The following FAM120A variants were observed in gnomAD, a reference collection of about 807,000 sequenced individuals.
FAM120A encodes the protein constitutive coactivator of PPAR-gamma-like protein 1.
Under a neutral mutation model 109.7 loss-of-function variants are expected in FAM120A, and 15 were observed. The ratio of observed to expected loss-of-function variants is 0.14; its 90% CI spans 0.09 to 0.21. The LOEUF (loss-of-function observed/expected upper bound fraction) is 0.21. Ranked by LOEUF, FAM120A falls within the 10% of genes least tolerant of loss-of-function variation. The pLI is 1.00. For missense variants in FAM120A, 899 were observed against 1,439.3 expected (o/e 0.62, Z 6.07); for synonymous variants, 493 against 572.8 (o/e 0.86, Z 1.99).
chr9:93,524,052 C>T (rs10992772), intron 7 of FAM120A, among the ~76,000 whole-genome samples: 42,480 of 152,188 alleles, frequency 0.28, 7,005 homozygotes, highest in East Asian at 0.42. Context: ...GGCCCAGGCC[C>T]TCTTTGTTAC....
intron 10 of FAM120A, among the ~76,000 whole-genome samples, chr9:93,539,628 A>C (rs186738637): frequency 6.6e-6 from 1 of 152,194 alleles, no homozygotes; most frequent in African/African-American, 2.4e-5. Flanking sequence ...GCCCAGTGCC[A>C]TGGGCAAGCC....
intron 11 of FAM120A, among the ~76,000 whole-genome samples, chr9:93,543,678 T>A (rs1467230910): frequency 6.6e-6 from 1 of 152,226 alleles, no homozygotes; most frequent in Non-Finnish European, 1.5e-5. Flanking sequence ...TACAGTATGT[T>A]TATAGGTATA....
chr9:93,512,533 C>T (rs1311903907), intron 5 of FAM120A, among the ~76,000 whole-genome samples: 3 of 138,844 alleles, frequency 2.2e-5, no homozygotes, highest in Non-Finnish European at 4.8e-5. Context: ...CTTCAGTCTG[C>T]ATATTTTTTT....
At chr9:93,514,136 C>T (rs1860461942) in intron 5 of FAM120A, among the ~76,000 whole-genome samples, 1 of 152,162 alleles carries the variant, frequency 6.6e-6, no homozygotes, top group Admixed American at 6.5e-5. Context: ...AGCAAGGCAC[C>T]TTCTTAACAA....
At position 93,452,469 on chromosome 9, in the gene FAM120A, C is replaced by T. The variant is rs767607276; in HGVS notation, c.474+80C>T. On this transcript the variant is annotated intron_variant, in intron 1 of 17. Coordinates refer to ENST00000277165, the MANE Select transcript of FAM120A (RefSeq NM_014612.5). The surrounding 1 kb of genome is among the most constrained non-coding windows in gnomAD (Gnocchi z 7.0). ...CCCCTTCCCAGGGCGCAGAATGTCGCCCGGCCGTGGCGGCGCTGGGGGCAG... is the reference window on the plus strand; with the variant it reads ...CCCCTTCCCAGGGCGCAGAATGTCGTCCGGCCGTGGCGGCGCTGGGGGCAG... The T allele has an allele frequency of 6.5e-7, 1 of 1,546,336 alleles. No homozygotes were observed.
intron 3 of FAM120A, 121 bp from the exon 4 acceptor site, chr9:93,497,350 C>A: frequency 8.0e-7 from 1 of 1,247,202 alleles, no homozygotes; most frequent in Non-Finnish European, 1.1e-6. Context: ...AGTGGACAAT[C>A]ATTGGGCACT....
chr9:93,494,346 T>C (rs1859476732), intron 3 of FAM120A, among the ~76,000 whole-genome samples: 1 of 152,210 alleles, frequency 6.6e-6, no homozygotes, highest in African/African-American at 2.4e-5. Context: ...TCGGAGGAAC[T>C]TGTAGCCCGG....
intron 15 of FAM120A, 69 bp downstream of exon 15, chr9:93,558,787 T>C: frequency 6.4e-7 from 1 of 1,559,268 alleles, no homozygotes; most frequent in Non-Finnish European, 8.7e-7. Flanking sequence ...GTCTGGCGCC[T>C]TCCTTCCTCT....
chr9:93,554,862 T>C (rs1862240712), intron 12 of FAM120A, among the ~76,000 whole-genome samples: 1 of 152,220 alleles, frequency 6.6e-6, no homozygotes, highest in Non-Finnish European at 1.5e-5. Flanking sequence ...CGGAGGCCCC[T>C]GGGCTAGAAG....
At chr9:93,540,580 C>A (rs1290499086) in intron 10 of FAM120A, among the ~76,000 whole-genome samples, 6 of 152,138 alleles carry the variant, frequency 3.9e-5, no homozygotes, top group African/African-American at 1.4e-4. Context: ...AGTTTCGGCT[C>A]TCAGGAGTGT....
chr9:93,507,648 G>A (rs912953572), intron 5 of FAM120A, among the ~76,000 whole-genome samples: 4 of 152,136 alleles, frequency 2.6e-5, no homozygotes, highest in African/African-American at 9.7e-5. Flanking sequence ...CGAGGCCAGG[G>A]GAGATACCCT....
At chr9:93,534,042 A>G (rs1336131370) in intron 10 of FAM120A, among the ~76,000 whole-genome samples, 1 of 152,192 alleles carries the variant, frequency 6.6e-6, no homozygotes, top group African/African-American at 2.4e-5. Flanking sequence ...GGTGTGCTGC[A>G]GTACCAAACA....
intron 11 of FAM120A, among the ~76,000 whole-genome samples, chr9:93,546,900 A>G (rs1204616739): frequency 1.3e-5 from 2 of 152,204 alleles, no homozygotes; most frequent in African/African-American, 4.8e-5. Flanking sequence ...ACCCCACAGA[A>G]GGGGTATGGT....
At chr9:93,564,167 C>A in intron 17 of FAM120A, 62 bp from the exon 18 acceptor site, 2 of 1,523,726 alleles carry the variant, frequency 1.3e-6, no homozygotes, top group Non-Finnish European at 1.8e-6. Context: ...CCAAAATTGG[C>A]ATCCTCTCTC....
chr9:93,536,704 C>G lies in FAM120A; in HGVS notation c.1909+4375C>G, dbSNP rs149384154. On this transcript the variant is annotated intron_variant, in intron 10 of 17. Coordinates refer to ENST00000277165, the MANE Select transcript of FAM120A (RefSeq NM_014612.5). ...TTTCATTTTTATAGTCACTATATGG[C>G]GAAAGTAGGATATGAGACCTTTAAA... is the stretch of plus-strand genomic sequence containing the variant. Among the ~76,000 whole-genome samples, 374 of 152,150 alleles carry G rather than the reference C, an allele frequency of 2.5e-3. 1 individual carries two copies. The highest frequency in any genetic ancestry group is 8.4e-3 in the African/African-American group (350 of 41,488).
intron 5 of FAM120A, among the ~76,000 whole-genome samples, chr9:93,514,709 T>C (rs551283178): frequency 6.6e-6 from 1 of 152,334 alleles, no homozygotes; most frequent in African/African-American, 2.4e-5. Context: ...TGCATATCAT[T>C]TGGGCCCCAG....
intron 5 of FAM120A, among the ~76,000 whole-genome samples, chr9:93,501,980 C>G (rs545070211): frequency 6.6e-6 from 1 of 152,072 alleles, no homozygotes; most frequent in South Asian, 2.1e-4. Flanking sequence ...AACATGGAGT[C>G]GGTGGGACCC....
intron 1 of FAM120A, among the ~76,000 whole-genome samples, chr9:93,458,692 T>C (rs1857660649): frequency 6.6e-6 from 1 of 152,224 alleles, no homozygotes; most frequent in Non-Finnish European, 1.5e-5. Context: ...ATGCAAGGCA[T>C]ATACTATAGG....
rs552964479 is a variant in FAM120A at position 93,498,379 on chromosome 9, C to T, written c.934-411C>T. On this transcript the variant is annotated intron_variant, in intron 4 of 17. Transcript: ENST00000277165. The surrounding 1 kb of genome is among the most constrained non-coding windows in gnomAD (Gnocchi z 4.4). ...CCGCACTCCAGCCTGGGTGAAAGAG[C>T]GAAACTCCGTCTCAGAAGAAAAAGA... 2.4e-4 allele frequency among the ~76,000 whole-genome samples: 36 copies of T among 152,142 alleles called. No individual in the cohort carries two copies. Among genetic ancestry groups the T allele is most frequent in the Non-Finnish European group, 4.1e-4 (28 of 68,024 alleles).
Sources: allele counts gnomAD v4.1 joint callset (sites outside exome capture counted in the v4.1 genomes callset), GRCh38; gene constraint gnomAD v4.1.1; non-coding constraint Gnocchi (gnomAD v3.1); transcripts MANE v1.5; gene names NCBI Gene and HGNC (gene_info 2026-07-23, HGNC 2026-07-21).